Variants in PRKAR2B observed in about 807,000 individuals in gnomAD.
PRKAR2B encodes the protein protein kinase cAMP-dependent type II regulatory subunit beta.
Under a neutral mutation model 49.9 loss-of-function variants are expected in PRKAR2B, and 14 were observed. That is an observed-to-expected ratio of 0.28 (90% CI 0.19 to 0.44). The LOEUF (loss-of-function observed/expected upper bound fraction) is 0.44, where lower values mean the gene tolerates loss of function less well. Ranked by LOEUF, PRKAR2B falls within the 20% of genes least tolerant of loss-of-function variation. PRKAR2B has a pLI of 1.00. For missense variants in PRKAR2B, 393 were observed against 537.9 expected, an observed-to-expected ratio of 0.73 and a Z score of 2.67; for synonymous variants, 196 against 197.7, an observed-to-expected ratio of 0.99 and a Z score of 0.07.
intron 1 of PRKAR2B, among the ~76,000 whole-genome samples, chr7:107,064,205 G>A (rs1201221313): frequency 6.6e-6 from 1 of 151,948 alleles, no homozygotes; most frequent in African/African-American, 2.4e-5. Context: ...TTTCTAAGAG[G>A]GCATTGTTGG....
At chr7:107,104,899 G>A (rs1795044890) in intron 2 of PRKAR2B, among the ~76,000 whole-genome samples, 1 of 152,152 alleles carries the variant, frequency 6.6e-6, no homozygotes, top group Admixed American at 6.5e-5. Context: ...GGAGCTAGTA[G>A]GAGTCCTTGT....
chr7:107,110,141 C>T (rs116846671), intron 2 of PRKAR2B, among the ~76,000 whole-genome samples: 4 of 152,246 alleles, frequency 2.6e-5, no homozygotes, highest in East Asian at 1.9e-4. Flanking sequence ...GACATTATAT[C>T]GCACTCAGTA....
chr7:107,129,172 C>T (rs183267502), intron 4 of PRKAR2B: 12 of 152,266 alleles, frequency 7.9e-5, no homozygotes, highest in African/African-American at 2.9e-4. Context: ...TCATGTACTG[C>T]ATCATACCAG....
intron 2 of PRKAR2B, 126 bp downstream of exon 2, chr7:107,070,442 A>G (rs1794242960): frequency 1.2e-6 from 1 of 815,034 alleles, no homozygotes; most frequent in Non-Finnish European, 1.9e-6. Context: ...TATTTTTCCC[A>G]GAAAACACAA....
chr7:107,076,331 TTC>T (rs1201951546), intron 2 of PRKAR2B, among the ~76,000 whole-genome samples: 2 of 152,224 alleles, frequency 1.3e-5, no homozygotes, highest in African/African-American at 2.4e-5. Flanking sequence ...TCATGTTTTT[TTC>T]TCTCTCTCTT....
chr7:107,083,405 A>C (rs1794553249), intron 2 of PRKAR2B, among the ~76,000 whole-genome samples: 1 of 151,742 alleles, frequency 6.6e-6, no homozygotes. Flanking sequence ...AATACTAATT[A>C]AAATTTATGC....
intron 1 of PRKAR2B, chr7:107,070,032 T>C: frequency 3.1e-6 from 1 of 327,570 alleles, no homozygotes; most frequent in Non-Finnish European, 5.6e-6. Flanking sequence ...GTTTTAGCTG[T>C]CTGTAACTAG....
At chr7:107,123,920 T>C (rs1351120766) in intron 3 of PRKAR2B, among the ~76,000 whole-genome samples, 3 of 152,228 alleles carry the variant, frequency 2.0e-5, no homozygotes, top group African/African-American at 7.2e-5. Context: ...AAAACTATAC[T>C]TACTTTAGTC....
chr7:107,088,686 T>A (rs565011251), intron 2 of PRKAR2B, among the ~76,000 whole-genome samples: 1 of 152,206 alleles, frequency 6.6e-6, no homozygotes, highest in South Asian at 2.1e-4. Context: ...TGCAGTCTCC[T>A]CTTCTCGGGT....
intron 2 of PRKAR2B, among the ~76,000 whole-genome samples, chr7:107,118,618 CAAT>C (rs1157738141): frequency 6.6e-6 from 1 of 152,134 alleles, no homozygotes; most frequent in African/African-American, 2.4e-5. Context: ...TGGTAAATGA[CAAT>C]AATGAGCTCG....
chr7:107,146,636 T>G (rs918661459), intron 6 of PRKAR2B, among the ~76,000 whole-genome samples, 175 bp downstream of exon 6: 2 of 152,226 alleles, frequency 1.3e-5, no homozygotes, highest in African/African-American at 4.8e-5. Flanking sequence ...AGTCAGATCC[T>G]GATGTCATTG....
At chr7:107,152,016 G>A (rs553679124) in intron 7 of PRKAR2B, among the ~76,000 whole-genome samples, 51 of 152,248 alleles carry the variant, frequency 3.3e-4, no homozygotes, top group African/African-American at 1.2e-3. Context: ...CCTCTCAGAT[G>A]TCTAATAGAC....
intron 4 of PRKAR2B, among the ~76,000 whole-genome samples, chr7:107,135,630 C>G (rs1488855972): frequency 6.6e-6 from 1 of 151,942 alleles, no homozygotes; most frequent in Non-Finnish European, 1.5e-5. Flanking sequence ...TATTAACATC[C>G]CCCCAAAATG....
chr7:107,071,266 A>G (rs1408718151), intron 2 of PRKAR2B, among the ~76,000 whole-genome samples: 1 of 152,216 alleles, frequency 6.6e-6, no homozygotes, highest in Non-Finnish European at 1.5e-5. Context: ...AAATTACCTT[A>G]TTTCCACCTG....
intron 4 of PRKAR2B, among the ~76,000 whole-genome samples, chr7:107,129,970 T>C (rs1795573284): frequency 6.6e-6 from 1 of 152,204 alleles, no homozygotes; most frequent in South Asian, 2.1e-4. Context: ...CTGTATCTTG[T>C]GCTGACCTTC....
rs1794040945 is a variant in PRKAR2B, at chr7:107,062,302, A to G, written c.308-7979A>G. 3.3e-5 allele frequency among the ~76,000 whole-genome samples: 5 copies of G among 152,244 alleles called. No homozygotes were observed. In the South Asian group the frequency reaches 1.0e-3, roughly 31 times the overall value. ...GAAGTTTTTTCAATGAATATTACCA[A>G]CAAAGGGTTGAATATTTAGAAGAAT... On this transcript the variant is annotated intron_variant, in intron 1 of 10. Transcript: ENST00000265717.
intron 2 of PRKAR2B, among the ~76,000 whole-genome samples, chr7:107,084,956 A>G (rs978029813): frequency 2.0e-5 from 3 of 152,160 alleles, no homozygotes; most frequent in East Asian, 1.9e-4. Flanking sequence ...CAAATCAAAC[A>G]GAAGATTAAT....
chr7:107,096,192 G>T (rs1258004292), intron 2 of PRKAR2B, among the ~76,000 whole-genome samples: 1 of 152,156 alleles, frequency 6.6e-6, no homozygotes, highest in Non-Finnish European at 1.5e-5. Context: ...CCTGTTATTG[G>T]TCTATTTAGG....
intron 4 of PRKAR2B, among the ~76,000 whole-genome samples, chr7:107,132,114 A>G (rs760835421): frequency 1.8e-4 from 27 of 152,338 alleles, no homozygotes; most frequent in Admixed American, 1.0e-3. Flanking sequence ...AGCTTACCCT[A>G]ACAGTTCAGA....
Sources: gnomAD v4.1 joint callset for allele counts (sites outside exome capture counted in the v4.1 genomes callset) on GRCh38, gnomAD v4.1.1 for gene constraint, MANE v1.5 for transcripts, NCBI Gene and HGNC (gene_info 2026-07-23, HGNC 2026-07-21) for gene names.